RNF220: variants seen among roughly 807,000 people sequenced by gnomAD.
RNF220 encodes ring finger protein 220, also known as E3 ubiquitin-protein ligase RNF220.
A neutral mutation model predicts 67.1 loss-of-function variants in RNF220; 7 were observed. The observed-to-expected ratio is 0.10, with a 90% CI of 0.06 to 0.20. The LOEUF (loss-of-function observed/expected upper bound fraction) is 0.20. Among genes scored for constraint, RNF220 ranks in the 10% least tolerant of loss-of-function variants. RNF220 has a pLI of 1.00. For synonymous variants in RNF220, 270 were observed against 283.2 expected, an observed-to-expected ratio of 0.95 and a Z score of 0.47; for missense variants, 565 against 740.3, an observed-to-expected ratio of 0.76 and a Z score of 2.75.
intron 2 of RNF220, among the ~76,000 whole-genome samples, chr1:44,503,454 G>A (rs1658123019): frequency 1.3e-5 from 2 of 151,952 alleles, no homozygotes; most frequent in South Asian, 4.1e-4. Flanking sequence ...AGAAAGAGGA[G>A]AATGTCCATG....
chr1:44,432,293 T>G (rs1650467227), intron 2 of RNF220, among the ~76,000 whole-genome samples: 1 of 152,164 alleles, frequency 6.6e-6, no homozygotes, highest in South Asian at 2.1e-4. Flanking sequence ...TTTTTTGAGA[T>G]GGATTCTTGC....
At chr1:44,410,829 T>A (rs985274347) in intron 1 of RNF220, 3 of 152,244 alleles carry the variant, frequency 2.0e-5, no homozygotes, top group Non-Finnish European at 4.4e-5. Context: ...TTGACACTAA[T>A]AAGTCTTGGT....
Position 44,512,767 on chromosome 1 carries a change from C to T in RNF220, c.625+100045C>T, listed in dbSNP as rs115731437. Among the ~76,000 whole-genome samples the T allele has an allele frequency of 5.3e-4, 80 of 152,254 alleles. 1 individual carries two copies. Among genetic ancestry groups the T allele is most frequent in the African/African-American group, 1.7e-3 (70 of 41,528 alleles). ...TGGCCAAGCGGAGGGGTGTGATAAC[C>T]GTCTGCAGATTTCAGGAAGGTGTAA... On this transcript the variant is annotated intron_variant, in intron 2 of 14. Coordinates refer to ENST00000361799, the MANE Select transcript of RNF220 (RefSeq NM_018150.4).
chr1:44,580,458 A>G (rs1173764582), intron 2 of RNF220, among the ~76,000 whole-genome samples: 1 of 152,256 alleles, frequency 6.6e-6, no homozygotes, highest in Non-Finnish European at 1.5e-5. Context: ...CCAAAAGGCT[A>G]TTGTGTGGGA....
chr1:44,533,376 T>C (rs1660970860), intron 2 of RNF220, among the ~76,000 whole-genome samples: 1 of 151,926 alleles, frequency 6.6e-6, no homozygotes, highest in African/African-American at 2.4e-5. Flanking sequence ...CCTGTAGTCC[T>C]AGCTACTTGG....
At chr1:44,511,793 C>A (rs1183421084) in intron 2 of RNF220, among the ~76,000 whole-genome samples, 1 of 152,100 alleles carries the variant, frequency 6.6e-6, no homozygotes, top group African/African-American at 2.4e-5. Context: ...TGACTCCTGT[C>A]TTCTAAAAAA....
chr1:44,474,290 G>A (rs1284536739), intron 2 of RNF220, among the ~76,000 whole-genome samples: 9 of 151,228 alleles, frequency 6.0e-5, no homozygotes, highest in East Asian at 1.9e-4. Flanking sequence ...CAGGAGAATC[G>A]CTTGAACCCG....
At chr1:44,409,193 GAAAC>G (rs146865226) in intron 1 of RNF220, among the ~76,000 whole-genome samples, 3,610 of 150,136 alleles carry the variant, frequency 0.024, 52 homozygotes, top group Middle Eastern at 0.041. Flanking sequence ...TGTGATTTAA[GAAAC>G]AAACAAACTC....
intron 2 of RNF220, among the ~76,000 whole-genome samples, chr1:44,552,560 C>CT (rs1558036290): frequency 1.0e-5 from 1 of 99,850 alleles, no homozygotes; most frequent in African/African-American, 3.7e-5. Context: ...CTATTCTAAA[C>CT]TTCTTCTTTT....
chr1:44,564,804 T>C (rs1432669830), intron 2 of RNF220, among the ~76,000 whole-genome samples: 1 of 151,162 alleles, frequency 6.6e-6, no homozygotes, highest in Non-Finnish European at 1.5e-5. Flanking sequence ...TCTGTTCTCA[T>C]CCTCACTAAT....
intron 2 of RNF220, among the ~76,000 whole-genome samples, chr1:44,593,941 C>T (rs146005136): frequency 0.035 from 5,346 of 151,744 alleles, 335 homozygotes; most frequent in African/African-American, 0.12. Flanking sequence ...AAAAATTAGC[C>T]GGGCATGGTG....
At chr1:44,586,969 A>G (rs1665743341) in intron 2 of RNF220, among the ~76,000 whole-genome samples, 1 of 152,142 alleles carries the variant, frequency 6.6e-6, no homozygotes, top group Non-Finnish European at 1.5e-5. Context: ...TTAAAAGTTT[A>G]TATATGAAAT....
At chr1:44,500,737 C>T (rs1357775627) in intron 2 of RNF220, among the ~76,000 whole-genome samples, 1 of 152,210 alleles carries the variant, frequency 6.6e-6, no homozygotes, top group Non-Finnish European at 1.5e-5. Context: ...ATCCCCCTCC[C>T]CAGAGCCTGC....
chr1:44,409,171 C>T (rs1647716457), intron 1 of RNF220, among the ~76,000 whole-genome samples: 1 of 149,998 alleles, frequency 6.7e-6, no homozygotes, highest in Non-Finnish European at 1.5e-5. Context: ...CACTTTAAAC[C>T]AGGGTCAGGA....
At chr1:44,614,348 C>A (rs1339796124) in intron 3 of RNF220, 51 bp downstream of exon 3, 3 of 1,594,854 alleles carry the variant, frequency 1.9e-6, no homozygotes, top group Non-Finnish European at 2.6e-6. Flanking sequence ...ACTCAGGGTT[C>A]TGGCCACCGG....
intron 2 of RNF220, among the ~76,000 whole-genome samples, chr1:44,559,686 A>G (rs138496180): frequency 0.01 from 1,540 of 152,324 alleles, 26 homozygotes; most frequent in African/African-American, 0.036. Flanking sequence ...CCAGGAAGCC[A>G]GAGCTGAAGG....
chr1:44,476,825 A>C (rs1655342995), intron 2 of RNF220, among the ~76,000 whole-genome samples: 1 of 152,168 alleles, frequency 6.6e-6, no homozygotes, highest in East Asian at 1.9e-4. Flanking sequence ...CAGGGTGGAT[A>C]GACTAATCAA....
intron 2 of RNF220, among the ~76,000 whole-genome samples, chr1:44,490,630 C>G (rs570562309): frequency 6.6e-6 from 1 of 151,760 alleles, no homozygotes; most frequent in East Asian, 1.9e-4. Flanking sequence ...AATGCCTATA[C>G]TTTAAAAAGA....
intron 2 of RNF220, among the ~76,000 whole-genome samples, chr1:44,444,847 G>A (rs1651920817): frequency 6.6e-6 from 1 of 152,098 alleles, no homozygotes; most frequent in Non-Finnish European, 1.5e-5. Context: ...GTGTATCCTG[G>A]TGTACAGGGC....
Sources: allele counts gnomAD v4.1 joint callset (sites outside exome capture counted in the v4.1 genomes callset), GRCh38; gene constraint gnomAD v4.1.1; transcripts MANE v1.5; gene names NCBI Gene and HGNC (gene_info 2026-07-23, HGNC 2026-07-21).